The following ZSCAN10 variants were observed in gnomAD, a reference collection of about 807,000 sequenced individuals.
ZSCAN10 encodes the protein zinc finger and SCAN domain containing 10.
Under a neutral mutation model 63.7 loss-of-function variants are expected in ZSCAN10, and 52 were observed. The ratio of observed to expected loss-of-function variants is 0.82; its 90% CI spans 0.65 to 1.03. ZSCAN10 has a LOEUF of 1.03. ZSCAN10 is among the 50% of genes least tolerant of loss of function. ZSCAN10 has a pLI of 0.00. For missense variants in ZSCAN10, 1,223 were observed against 1,103.8 expected, an observed-to-expected ratio of 1.11 and a Z score of -1.53; for synonymous variants, 544 against 479.6, an observed-to-expected ratio of 1.13 and a Z score of -1.76.
chr16:3,098,666 G>C (rs1417565198), intron 1 of ZSCAN10, among the ~76,000 whole-genome samples: 1 of 152,158 alleles, frequency 6.6e-6, no homozygotes, highest in Non-Finnish European at 1.5e-5. Flanking sequence ...CTCTGTTGGG[G>C]GTGGGCTGGG....
rs531683959 is a variant in ZSCAN10, at chr16:3,095,760, A to G, written c.-67-2756T>C. On this transcript the variant is annotated intron_variant, in intron 1 of 5. Coordinates refer to ENST00000576985, the MANE Select transcript of ZSCAN10 (RefSeq NM_032805.3). Reference sequence around the variant, plus strand: ...GGAGAATGGCGTGAAACAGGGAGGTAGAGCTTGCAATGAGCCAAGATCGCG... The same window carrying G: ...GGAGAATGGCGTGAAACAGGGAGGTGGAGCTTGCAATGAGCCAAGATCGCG... Among the ~76,000 whole-genome samples, 420 of 147,116 alleles carry G rather than the reference A, an allele frequency of 2.9e-3. 4 individuals carry two copies. The highest frequency in any genetic ancestry group is 0.01 in the African/African-American group (399 of 39,760).
At chr16:3,093,526 A>G (rs1335573900) in intron 1 of ZSCAN10, among the ~76,000 whole-genome samples, 1 of 151,796 alleles carries the variant, frequency 6.6e-6, no homozygotes, top group Admixed American at 6.6e-5. Context: ...AAAAAAAAAA[A>G]AAAAGAAATT....
intron 1 of ZSCAN10, among the ~76,000 whole-genome samples, chr16:3,095,141 G>A (rs1957137344): frequency 6.6e-6 from 1 of 152,154 alleles, no homozygotes. Context: ...CACTTTGGGA[G>A]GCTGAGGCAG....
chr16:3,091,907 C>T (rs930987546), intron 3 of ZSCAN10, 79 bp from the exon 4 acceptor site: 21 of 1,595,078 alleles, frequency 1.3e-5, no homozygotes, highest in South Asian at 2.2e-5. Context: ...GGACACACAC[C>T]GCATCATCCG....
chr16:3,097,249 G>A (rs1015356416), intron 1 of ZSCAN10, among the ~76,000 whole-genome samples: 17 of 151,890 alleles, frequency 1.1e-4, no homozygotes, highest in South Asian at 1.0e-3. Flanking sequence ...TACAGAATGG[G>A]GGATTTTAAG....
rs1200012492 is a variant in ZSCAN10, at chr16:3,090,416, C to G, written c.1018G>C (p.Glu340Gln). ...LEVKVAEGVP[E>Q]PNPELQFICA... ...ATGAACTGCAACTCCGGATTGGGCT[C>G]GGGGACGCCCTCAGCCACTTTGACC... Residue 340 changes from glutamate (E) to glutamine (Q), a missense_variant, in exon 6 of 6, where the codon GAG becomes CAG. Glu to Gln is a conservative substitution (Grantham distance 29). Transcript: ENST00000576985. The G allele has an allele frequency of 1.2e-6, 2 of 1,613,768 alleles. No individual in the cohort carries two copies. The highest frequency in any genetic ancestry group is 2.2e-5 in the East Asian group (1 of 44,860).
chr16:3,095,555 C>T (rs901707321), intron 1 of ZSCAN10, among the ~76,000 whole-genome samples: 1 of 138,778 alleles, frequency 7.2e-6, no homozygotes, highest in Non-Finnish European at 1.5e-5. Context: ...TTGCTGGGGG[C>T]ACTGAGTGGC....
intron 5 of ZSCAN10, among the ~76,000 whole-genome samples, 197 bp downstream of exon 5, chr16:3,091,342 CA>C (rs1376055526): frequency 6.6e-6 from 1 of 151,892 alleles, no homozygotes; most frequent in Non-Finnish European, 1.5e-5. Context: ...TCTGGAGCTT[CA>C]GGCAAAGAAA....
Position 3,089,106 on chromosome 16 carries a change from G to C in ZSCAN10, c.2328C>G (p.Arg776=), listed in dbSNP as rs1463274360. The C allele has an allele frequency of 2.0e-6, 3 of 1,502,824 alleles. No individual in the cohort carries two copies. Among genetic ancestry groups the C allele is most frequent in the Non-Finnish European group, 8.8e-7 (1 of 1,137,492 alleles). The allele number at this position is 1,502,824 out of a possible 1,614,324, so 93.1% of individuals were successfully genotyped here. The stretch of plus-strand genomic sequence containing the variant: ...GCGGGCCAAGCTAGTACAGCGTCTC[G>C]CGGGCGTGGGTGCGCAGGTGGCGCA... ...HLLRHLRTHA[R]ETLY The change falls in exon 6 of 6, where the codon CGC becomes CGG. Residue 776 remains arginine, a synonymous_variant. Coordinates refer to ENST00000576985, the MANE Select transcript of ZSCAN10 (RefSeq NM_032805.3).
intron 2 of ZSCAN10, 27 bp from the exon 3 acceptor site, chr16:3,092,343 G>C: frequency 6.4e-7 from 1 of 1,567,772 alleles, no homozygotes; most frequent in Non-Finnish European, 8.7e-7. Context: ...CAAGTTAAGT[G>C]ACTCCCGGGG....
rs772464755 is a variant in ZSCAN10 at position 3,089,310 on chromosome 16, G to C, written c.2124C>G (p.His708Gln). The C allele has an allele frequency of 1.3e-6, 2 of 1,572,374 alleles. No individual in the cohort carries two copies. The highest frequency in any genetic ancestry group is 2.3e-5 in the South Asian group (2 of 86,358). ...GCCCGGGCTCCGCATGGGTAGCCAG[G>C]TGCCGCCGCAGATGCGCGTTGCGCC... ...SFRRNAHLRR[H>Q]LATHAEPGQE... The change falls in exon 6 of 6, where the codon CAC becomes CAG. Residue 708 changes from histidine (H) to glutamine (Q), a missense_variant. Physicochemically the swap from His to Gln is conservative, Grantham distance 24 (BLOSUM62 0). Transcript: ENST00000576985.
intron 5 of ZSCAN10, 64 bp from the exon 6 acceptor site, chr16:3,090,710 A>G (rs575909301): frequency 6.8e-7 from 1 of 1,469,514 alleles, no homozygotes; most frequent in African/African-American, 1.4e-5. Flanking sequence ...AATCACCAGA[A>G]CCTGATTGGC....
chr16:3,091,779 C>T lies in ZSCAN10; in HGVS notation c.714G>A (p.Glu238=), dbSNP rs1428552973. ...CCCAGCTCACCAGCACAGCCGCCAGCTCCTGATCTCGGGAACTCTCCTCTG... is the reference window on the plus strand; with the variant it reads ...CCCAGCTCACCAGCACAGCCGCCAGTTCCTGATCTCGGGAACTCTCCTCTG... The part of the protein sequence containing the change: ...PWPEESSRDQ[E]LAAVLECLTF... The change falls in exon 4 of 6, where the codon GAG becomes GAA. Residue 238 remains glutamate, a synonymous_variant. Transcript: ENST00000576985. 1.3e-6 allele frequency: 2 copies of T among 1,572,466 alleles called. No individual in the cohort carries two copies. Among genetic ancestry groups the T allele is most frequent in the Admixed American group, 3.7e-5 (2 of 53,610 alleles).
At position 3,091,420 on chromosome 16, in the gene ZSCAN10, G is replaced by A. The variant is rs947862291; in HGVS notation, c.787+120C>T. 4.5e-6 allele frequency: 5 copies of A among 1,100,798 alleles called. No individual in the cohort carries two copies. In the Admixed American group the frequency reaches 5.5e-5, roughly 12 times the overall value. 68.2% of individuals were successfully genotyped at this position (1,100,798 alleles called of 1,614,324 possible). A position where few individuals can be genotyped will look rare whatever the true frequency, so the allele number is the denominator to read the frequency against. On this transcript the variant is annotated intron_variant, in intron 5 of 5. Transcript: ENST00000576985. ...GTACTTTGGGAGGCTGAGGTGGGAG[G>A]ATCACTTGAGCCCAGGAGTGGAGAC...
Position 3,090,630 on chromosome 16 carries a change from G to T in ZSCAN10, c.804C>A (p.Thr268=). ...PAHPLGFGSR[T]PDKEEFKQEE... ...CTTGTTTAAATTCCTCCTTGTCTGG[G>T]GTTCTGCTTCCGAATCCTGGGAAAC... Residue 268 remains threonine, a synonymous_variant, in exon 6 of 6, where the codon ACC becomes ACA. Transcript: ENST00000576985. The T allele has an allele frequency of 6.5e-7, 1 of 1,544,114 alleles. No individual in the cohort carries two copies. The highest frequency in any genetic ancestry group is 2.3e-5 in the East Asian group (1 of 43,888).
intron 1 of ZSCAN10, among the ~76,000 whole-genome samples, chr16:3,097,260 C>A (rs961142736): frequency 6.6e-6 from 1 of 151,838 alleles, no homozygotes; most frequent in Admixed American, 6.6e-5. Context: ...GGATTTTAAG[C>A]TTAGCCGCTG....
Position 3,092,254 on chromosome 16 carries a change from C to T in ZSCAN10, c.459G>A (p.Gly153=), listed in dbSNP as rs766922091. ...PRADVTLEEK[G]CASQVPSHSP... ...TGTGGCTGGGGACCTGGGAAGCACA[C>T]CCCTTTTCCTCCAAGGTGACGTCTG... Residue 153 remains glycine, a synonymous_variant, in exon 3 of 6, where the codon GGG becomes GGA. Coordinates refer to ENST00000576985, the MANE Select transcript of ZSCAN10 (RefSeq NM_032805.3). 4.3e-6 allele frequency: 7 copies of T among 1,613,206 alleles called. No individual in the cohort carries two copies. Among genetic ancestry groups the T allele is most frequent in the Admixed American group, 3.3e-5 (2 of 60,010 alleles).
intron 1 of ZSCAN10, among the ~76,000 whole-genome samples, chr16:3,094,681 G>C (rs527656312): frequency 2.0e-5 from 3 of 152,040 alleles, no homozygotes; most frequent in African/African-American, 4.8e-5. Context: ...CAATGTTTAG[G>C]GCCTTGCAGG....
At position 3,089,610 on chromosome 16, in the gene ZSCAN10, G is replaced by A; in HGVS notation, c.1824C>T (p.Cys608=). 1.3e-6 allele frequency: 2 copies of A among 1,586,422 alleles called. No individual in the cohort carries two copies. Among genetic ancestry groups the A allele is most frequent in the Non-Finnish European group, 1.7e-6 (2 of 1,166,578 alleles). The change falls in exon 6 of 6, where the codon TGC becomes TGT. Residue 608 remains cysteine (C), a synonymous_variant. Coordinates refer to ENST00000576985, the MANE Select transcript of ZSCAN10 (RefSeq NM_032805.3). ...LTHGGPRPHH[C]TQCGKSFGQT... is the part of the protein sequence containing the mutation. ...GGCCGAAACTCTTCCCGCACTGGGT[G>A]CAGTGGTGGGGCCGAGGGCCACCGT...
Sources: allele counts gnomAD v4.1 joint callset (sites outside exome capture counted in the v4.1 genomes callset), GRCh38; gene constraint gnomAD v4.1.1; transcripts MANE v1.5; gene names NCBI Gene and HGNC (gene_info 2026-07-23, HGNC 2026-07-21).